The following FHL5 variants were observed in gnomAD, a reference collection of about 807,000 sequenced individuals.
The protein encoded by FHL5 is four and a half LIM domains protein 5.
FHL5 carries 33 observed loss-of-function variants against 32.0 expected under a neutral mutation model. That is an observed-to-expected ratio of 1.03 (90% CI 0.78 to 1.38). FHL5 has a LOEUF of 1.38. Ranked by LOEUF, FHL5 falls within the 40% of genes most tolerant of loss-of-function variation. FHL5 has a pLI of 0.00. For synonymous variants in FHL5, 114 were observed against 113.6 expected (o/e 1.00, Z -0.02); for missense variants, 336 against 343.9 (o/e 0.98, Z 0.18).
At chr6:96,568,591 C>A (rs1006046405) in intron 1 of FHL5, among the ~76,000 whole-genome samples, 44 of 151,766 alleles carry the variant, frequency 2.9e-4, no homozygotes, top group Admixed American at 2.9e-3. Flanking sequence ...CTGTCATATT[C>A]TGAGCTTCTT....
chr6:96,587,875 G>GTTC (rs1442802596), intron 1 of FHL5, among the ~76,000 whole-genome samples: 1 of 151,882 alleles, frequency 6.6e-6, no homozygotes, highest in East Asian at 1.9e-4. Context: ...ATATTGTAAA[G>GTTC]TTCTTCTGCA....
intron 4 of FHL5, 55 bp from the exon 5 acceptor site, chr6:96,610,517 T>A (rs1466131725): frequency 7.8e-7 from 1 of 1,280,568 alleles, no homozygotes; most frequent in East Asian, 2.3e-5. Flanking sequence ...AATCATGAAA[T>A]GATCTGAATT....
chr6:96,610,804 C>T, intron 5 of FHL5, 46 bp downstream of exon 5: 2 of 1,294,168 alleles, frequency 1.5e-6, no homozygotes, highest in Non-Finnish European at 2.2e-6. Flanking sequence ...ACAGTTATGA[C>T]TTTATGAAAC....
intron 1 of FHL5, among the ~76,000 whole-genome samples, chr6:96,566,649 C>T (rs550536211): frequency 1.3e-5 from 2 of 151,940 alleles, no homozygotes; most frequent in African/African-American, 4.8e-5. Flanking sequence ...TTCACCAAAT[C>T]CTTGTCAGCA....
intron 1 of FHL5, among the ~76,000 whole-genome samples, chr6:96,588,528 A>G (rs563353953): frequency 6.6e-6 from 1 of 152,296 alleles, no homozygotes; most frequent in Non-Finnish European, 1.5e-5. Context: ...CCTCACCAAC[A>G]TTTGATATTG....
At chr6:96,588,493 G>A (rs778851414) in intron 1 of FHL5, among the ~76,000 whole-genome samples, 2 of 152,324 alleles carry the variant, frequency 1.3e-5, no homozygotes, top group Admixed American at 6.5e-5. Flanking sequence ...CAGCCACTGC[G>A]CCTGGCCTCC....
intron 1 of FHL5, among the ~76,000 whole-genome samples, chr6:96,564,449 C>G (rs937098095): frequency 2.0e-5 from 3 of 152,070 alleles, no homozygotes; most frequent in Admixed American, 6.5e-5. Context: ...TTATTAGTTG[C>G]CAAATCTGGG....
At chr6:96,567,639 T>A (rs1051300133) in intron 1 of FHL5, among the ~76,000 whole-genome samples, 1 of 151,810 alleles carries the variant, frequency 6.6e-6, no homozygotes, top group Non-Finnish European at 1.5e-5. Flanking sequence ...ATCTTTCCAT[T>A]TTTTGTGTCT....
At chr6:96,595,486 T>C (rs763538010) in intron 1 of FHL5, among the ~76,000 whole-genome samples, 6 of 151,942 alleles carry the variant, frequency 3.9e-5, no homozygotes, top group Admixed American at 2.6e-4. Context: ...ATGTCATTAA[T>C]TCTTGGAAAT....
Position 96,610,762 on chromosome 6 carries a change from A to G in FHL5, c.691+4A>G, listed in dbSNP as rs778399428. ...GCCTGTTCCAAACCCATTAGTGGTG[A>G]GTTCTTCAGTTCAATATGATCATGC... On this transcript the variant is annotated splice_donor_region_variant and intron_variant, in intron 5 of 5. Coordinates refer to ENST00000450218, the MANE Select transcript of FHL5 (RefSeq NM_001322466.2). The G allele has an allele frequency of 6.3e-7, 1 of 1,598,318 alleles. No homozygotes were observed. Among genetic ancestry groups the G allele is most frequent in the Non-Finnish European group, 8.6e-7 (1 of 1,167,872 alleles).
chr6:96,570,530 C>A (rs964752943), intron 1 of FHL5, among the ~76,000 whole-genome samples: 1 of 152,114 alleles, frequency 6.6e-6, no homozygotes, highest in African/African-American at 2.4e-5. Context: ...TCCACAACCC[C>A]CACCACTAAA....
chr6:96,606,455 G>T (rs1771282965), intron 4 of FHL5, among the ~76,000 whole-genome samples: 1 of 152,098 alleles, frequency 6.6e-6, no homozygotes, highest in South Asian at 2.1e-4. Context: ...AGGTTCAAGA[G>T]ATTCTCATGT....
chr6:96,594,582 T>C (rs532024051), intron 1 of FHL5, among the ~76,000 whole-genome samples: 2 of 152,070 alleles, frequency 1.3e-5, no homozygotes, highest in South Asian at 4.1e-4. Context: ...TGAACTCAGA[T>C]TGGTTGCAGA....
chr6:96,604,716 C>T (rs757093445), intron 2 of FHL5, 34 bp from the exon 3 acceptor site: 2 of 1,561,312 alleles, frequency 1.3e-6, no homozygotes, highest in Non-Finnish European at 8.7e-7. Context: ...TTGTCACAAC[C>T]ACATTTAATT....
chr6:96,567,825 C>CTTTTTTTTTT (rs757441385), intron 1 of FHL5, among the ~76,000 whole-genome samples: 1 of 110,518 alleles, frequency 9.0e-6, no homozygotes, highest in Non-Finnish European at 1.8e-5. Context: ...TTTTTGTATT[C>CTTTTTTTTTT]TTTTTTTTTT....
intron 1 of FHL5, among the ~76,000 whole-genome samples, chr6:96,571,106 T>C (rs560644428): frequency 1.4e-4 from 22 of 152,288 alleles, no homozygotes; most frequent in Admixed American, 1.1e-3. Context: ...GTGTATCTAG[T>C]GAAATAATCA....
chr6:96,575,511 A>G (rs1418629268), intron 1 of FHL5, among the ~76,000 whole-genome samples: 3 of 152,178 alleles, frequency 2.0e-5, no homozygotes, highest in African/African-American at 7.2e-5. Context: ...GGGACTGAGC[A>G]GTTGGAGTGA....
chr6:96,583,645 A>G (rs1770739380), intron 1 of FHL5, among the ~76,000 whole-genome samples: 1 of 152,118 alleles, frequency 6.6e-6, no homozygotes, highest in Admixed American at 6.6e-5. Context: ...AATCTTGTCA[A>G]CAGATTAACC....
intron 1 of FHL5, among the ~76,000 whole-genome samples, chr6:96,592,111 T>C (rs374083323): frequency 7.2e-4 from 110 of 152,244 alleles, no homozygotes; most frequent in East Asian, 1.5e-3. Context: ...GAGACAGGGT[T>C]TGAGAGCAAC....
Sources: gnomAD v4.1 joint callset for allele counts (sites outside exome capture counted in the v4.1 genomes callset) on GRCh38, gnomAD v4.1.1 for gene constraint, MANE v1.5 for transcripts, NCBI Gene and HGNC (gene_info 2026-07-23, HGNC 2026-07-21) for gene names.